The following NUTM1 variants were observed in gnomAD, a reference collection of about 807,000 sequenced individuals.
NUTM1 encodes NUT midline carcinoma family member 1, also known as NUT family member 1.
In NUTM1, 39 loss-of-function variants were observed where a neutral mutation model predicts 88.7. The ratio of observed to expected loss-of-function variants is 0.44; its 90% CI spans 0.34 to 0.57. The LOEUF (loss-of-function observed/expected upper bound fraction) is 0.57, where lower values mean the gene tolerates loss of function less well. Among genes scored for constraint, NUTM1 ranks in the 20% least tolerant of loss-of-function variants. NUTM1 has a pLI of 0.01. For missense variants in NUTM1, 1,350 were observed against 1,414.5 expected (o/e 0.95, Z 0.73); for synonymous variants, 494 against 538.0 (o/e 0.92, Z 1.13).
In NUTM1 at chr15:34,357,676, A is replaced by T; in HGVS notation, c.*185A>T. ...TCAGACTGGCTAGGCTGCAGGGGGA[A>T]TTACCTTTGGAAGGAGCTATATAGA... On this transcript the variant is annotated 3_prime_UTR_variant, in exon 8 of 8. Transcript: ENST00000537011. 9.1e-7 allele frequency: 1 copy of T among 1,097,020 alleles called. No homozygotes were observed. Among genetic ancestry groups the T allele is most frequent in the East Asian group, 2.4e-5 (1 of 42,226 alleles). 68.0% of individuals were successfully genotyped at this position (1,097,020 alleles called of 1,614,324 possible).
In NUTM1 at chr15:34,355,313, A is replaced by G. The variant is rs1344821950; in HGVS notation, c.1480-175A>G. Among the ~76,000 whole-genome samples the G allele has an allele frequency of 6.6e-6, 1 of 152,222 alleles. No homozygotes were observed. The highest frequency in any genetic ancestry group is 1.5e-5 in the Non-Finnish European group (1 of 68,040). ...AGGAAATGAGAATGTAAGGGCTCAA[A>G]GCATGGGAATAAGGCACAAGAAGGT... On this transcript the variant is annotated intron_variant, in intron 7 of 7. Transcript: ENST00000537011. The surrounding 1 kb of genome is among the most constrained non-coding windows in gnomAD (Gnocchi z 4.3).
At chr15:34,344,932 G>A (rs887507027) in intron 1 of NUTM1, among the ~76,000 whole-genome samples, 6 of 151,716 alleles carry the variant, frequency 4.0e-5, no homozygotes, top group African/African-American at 1.5e-4. Context: ...GCAGGACAAT[G>A]GCGTGAACCC....
Position 34,357,582 on chromosome 15 carries a change from T to C in NUTM1, c.*91T>C, listed in dbSNP as rs1368812891. ...ACCCCTGCTGCCCACCAATGGAGAA[T>C]CCCAATGTTGAATCTCATCCCAATG... On this transcript the variant is annotated 3_prime_UTR_variant, in exon 8 of 8. Coordinates refer to ENST00000537011, the MANE Select transcript of NUTM1 (RefSeq NM_001284292.2). 5 of 1,602,420 alleles carry C rather than the reference T, an allele frequency of 3.1e-6. No homozygotes were observed. Among genetic ancestry groups the C allele is most frequent in the Non-Finnish European group, 4.2e-6 (5 of 1,178,860 alleles).
Position 34,355,770 on chromosome 15 carries a change from C to A in NUTM1, c.1762C>A (p.Pro588Thr). 6.2e-7 allele frequency: 1 copy of A among 1,614,234 alleles called. No homozygotes were observed. Among genetic ancestry groups the A allele is most frequent in the Non-Finnish European group, 8.5e-7 (1 of 1,180,038 alleles). The change falls in exon 8 of 8, where the codon CCC becomes ACC. Residue 588 changes from proline (P) to threonine (T), a missense_variant. Physicochemically the swap from Pro to Thr is conservative, Grantham distance 38 (BLOSUM62 -1). Around this residue, in one of 5 missense-constraint regions of NUTM1, gnomAD observed 730 missense variants for 728.8 expected, o/e 1.00. Coordinates refer to ENST00000537011, the MANE Select transcript of NUTM1 (RefSeq NM_001284292.2). The surrounding 1 kb of genome is among the most constrained non-coding windows in gnomAD (Gnocchi z 4.3). ...MHRDGNTLPS[P>T]SSWDLQPELA... ...CAGGGATGGGAACACTCTGCCATCC[C>A]CCAGCAGCTGGGACCTGCAGCCAGA...
chr15:34,344,403 T>C (rs2140149179), intron 1 of NUTM1, among the ~76,000 whole-genome samples: 2 of 147,688 alleles, frequency 1.4e-5, no homozygotes, highest in South Asian at 4.2e-4. Context: ...CTCGGGAGGC[T>C]GAGGCAGGAG....
intron 3 of NUTM1, among the ~76,000 whole-genome samples, chr15:34,350,029 T>A (rs1383420998): frequency 6.6e-6 from 1 of 152,184 alleles, no homozygotes; most frequent in African/African-American, 2.4e-5. Flanking sequence ...CCTGGGGAGC[T>A]GCAAGTTGAT....
At chr15:34,349,466 G>A (rs1023264341) in intron 3 of NUTM1, among the ~76,000 whole-genome samples, 1 of 152,112 alleles carries the variant, frequency 6.6e-6, no homozygotes, top group African/African-American at 2.4e-5. Flanking sequence ...AAAAGAACTC[G>A]CAAAAGGTCA....
At position 34,344,972 on chromosome 15, in the gene NUTM1, C is replaced by G. The variant is rs368386569; in HGVS notation, c.7-970C>G. ...GGCGGAGCTTGCAGTGAGCAGAGATCACGCCACTGCACTACAGCCTGGGTG... is the reference window on the plus strand; with the variant it reads ...GGCGGAGCTTGCAGTGAGCAGAGATGACGCCACTGCACTACAGCCTGGGTG... On this transcript the variant is annotated intron_variant, in intron 1 of 7. Coordinates refer to ENST00000537011, the MANE Select transcript of NUTM1 (RefSeq NM_001284292.2). Among the ~76,000 whole-genome samples, 12 of 152,082 alleles carry G rather than the reference C, an allele frequency of 7.9e-5. No homozygotes were observed. The East Asian group carries it at 2.3e-3, about 29-fold the overall frequency.
At position 34,343,465 on chromosome 15, in the gene NUTM1, T is replaced by C; in HGVS notation, c.-232T>C. The C allele has an allele frequency of 1.1e-6, 1 of 907,888 alleles. No homozygotes were observed. Among genetic ancestry groups the C allele is most frequent in the Non-Finnish European group, 1.6e-6 (1 of 616,504 alleles). 56.2% of individuals were successfully genotyped at this position (907,888 alleles called of 1,614,324 possible). ...CCTGAAGAAACAAGGGCTCCAGGATTCAGAGCCCCTTTACCCTAGGGAAGA... is the reference window on the plus strand; with the variant it reads ...CCTGAAGAAACAAGGGCTCCAGGATCCAGAGCCCCTTTACCCTAGGGAAGA... On this transcript the variant is annotated 5_prime_UTR_variant, in exon 1 of 8. Transcript: ENST00000537011.
chr15:34,357,288 C>A lies in NUTM1; in HGVS notation c.3280C>A (p.Pro1094Thr). 1 of 1,614,150 alleles carries A rather than the reference C, an allele frequency of 6.2e-7. No individual in the cohort carries two copies. Among genetic ancestry groups the A allele is most frequent in the Non-Finnish European group, 8.5e-7 (1 of 1,180,026 alleles). The change falls in exon 8 of 8, where the codon CCA (proline) becomes ACA (threonine). Residue 1094 changes from proline to threonine, a missense_variant. By Grantham distance (38) the Pro-to-Thr change is conservative. This residue lies in a region of NUTM1 where 730 missense variants were observed against 728.8 expected (regional missense o/e 1.00). Transcript: ENST00000537011. ...PAGAKGPSKLPYPVAKSGKRA... is the reference protein window; with the variant it reads ...PAGAKGPSKLTYPVAKSGKRA... ...TGGAGCAAAAGGCCCCAGCAAACTT[C>A]CATATCCTGTTGCCAAGTCTGGGAA...
In NUTM1 at chr15:34,355,428, C is replaced by A. The variant is rs1414425241; in HGVS notation, c.1480-60C>A. On this transcript the variant is annotated intron_variant, in intron 7 of 7. Coordinates refer to ENST00000537011, the MANE Select transcript of NUTM1 (RefSeq NM_001284292.2). This position sits in a 1 kb window ranked among gnomAD's most constrained non-coding sequence, Gnocchi z 4.3. The stretch of plus-strand genomic sequence containing the variant: ...CTGCCCAAATACCGTCTTGTGCCAC[C>A]CACTCAGCCACCTCTTTCACAACCA... 3.2e-6 allele frequency: 5 copies of A among 1,579,688 alleles called. No homozygotes were observed. Among genetic ancestry groups the A allele is most frequent in the African/African-American group, 2.7e-5 (2 of 73,928 alleles).
chr15:34,345,993 C>T lies in NUTM1; in HGVS notation c.58C>T (p.Pro20Ser), dbSNP rs753820990. The part of the protein sequence containing the change: ...DCLILEASRQ[P>S]QLVPKPERMA... ...CCTCATTCTGGAGGCTTCCAGACAG[C>T]CACAGTTAGTGCCCAAACCTGAGAG... The change falls in exon 2 of 8, where the codon CCA becomes TCA. Residue 20 changes from proline to serine, a missense_variant. By Grantham distance (74) the Pro-to-Ser change is moderately conservative (BLOSUM62 -1). Transcript: ENST00000537011. 3.7e-6 allele frequency: 6 copies of T among 1,614,018 alleles called. No individual in the cohort carries two copies. In the East Asian group the frequency reaches 1.1e-4, roughly 30 times the overall value.
chr15:34,350,983 C>T, intron 4 of NUTM1, 151 bp downstream of exon 4: 1 of 941,918 alleles, frequency 1.1e-6, no homozygotes, highest in Non-Finnish European at 1.6e-6. Context: ...CTTTGGGAGG[C>T]CAAGGCCGGT....
In NUTM1 at chr15:34,348,362, C is replaced by T. The variant is rs376023605; in HGVS notation, c.494C>T (p.Ser165Phe). The T allele has an allele frequency of 3.7e-6, 6 of 1,614,158 alleles. No individual in the cohort carries two copies. Among genetic ancestry groups the T allele is most frequent in the African/African-American group, 2.7e-5 (2 of 74,950 alleles). Reference sequence around the variant, plus strand: ...CCTGCACCTCCATTTGTGACAGCATCTAATGTGAAGACCATTCTGCCCTCT... The same window carrying T: ...CCTGCACCTCCATTTGTGACAGCATTTAATGTGAAGACCATTCTGCCCTCT... ...EGPAPPFVTA[S>F]NVKTILPSKA... is the part of the protein sequence containing the mutation. The change falls in exon 3 of 8, where the codon TCT (serine) becomes TTT (phenylalanine). Residue 165 changes from serine (S) to phenylalanine (F), a missense_variant. Transcript: ENST00000537011.
At chr15:34,354,371 A>G in intron 5 of NUTM1, 75 bp from the exon 6 acceptor site, 1 of 1,445,490 alleles carries the variant, frequency 6.9e-7, no homozygotes, top group Non-Finnish European at 9.7e-7. Flanking sequence ...CTCTTACCTT[A>G]GTGTACATTC....
intron 4 of NUTM1, among the ~76,000 whole-genome samples, chr15:34,353,477 G>A (rs1479347337): frequency 6.6e-6 from 1 of 152,204 alleles, no homozygotes; most frequent in Non-Finnish European, 1.5e-5. Flanking sequence ...TTATAGGCAT[G>A]AGCCACCCCA....
In NUTM1 at chr15:34,356,187, C is replaced by T. The variant is rs745986480; in HGVS notation, c.2179C>T (p.Gln727Ter). 1.2e-6 allele frequency: 2 copies of T among 1,609,796 alleles called. No homozygotes were observed. Among genetic ancestry groups the T allele is most frequent in the Non-Finnish European group, 1.7e-6 (2 of 1,176,814 alleles). ...WGDDRGTPMA[Q>*]SYDQNPSPRA... is the part of the protein sequence containing the mutation. ...AGATGACAGAGGTACCCCCATGGCT[C>T]AGAGTTATGATCAGAATCCTTCCCC... The change falls in exon 8 of 8, where the codon CAG (glutamine) becomes TAG (stop). Residue 727 changes from glutamine to a stop codon, truncating the protein, a stop_gained. Coordinates refer to ENST00000537011, the MANE Select transcript of NUTM1 (RefSeq NM_001284292.2). LOFTEE classifies it high-confidence loss of function.
intron 4 of NUTM1, among the ~76,000 whole-genome samples, chr15:34,351,525 C>G (rs979814402): frequency 3.3e-5 from 5 of 152,194 alleles, no homozygotes; most frequent in African/African-American, 7.2e-5. Flanking sequence ...AAAGCTCCCC[C>G]CTCACCAGAT....
Position 34,355,938 on chromosome 15 carries a change from A to G in NUTM1, c.1930A>G (p.Thr644Ala), listed in dbSNP as rs769859248. The G allele has an allele frequency of 8.4e-5, 135 of 1,614,056 alleles. 1 individual carries two copies. In the South Asian group the frequency reaches 9.7e-4, roughly 12 times the overall value. ...TGGGCACTGCCTGGTGGCTGATAGG[A>G]CTTCAGAGGCTCTGCCCCTTTGTTG... ...PPGHCLVADR[T>A]SEALPLCWQG... Residue 644 changes from threonine to alanine, a missense_variant, in exon 8 of 8, where the codon ACT becomes GCT. Around this residue, in one of 5 missense-constraint regions of NUTM1, gnomAD observed 730 missense variants for 728.8 expected, o/e 1.00. Transcript: ENST00000537011. This position sits in a 1 kb window ranked among gnomAD's most constrained non-coding sequence, Gnocchi z 4.3.
Sources: gnomAD v4.1 joint callset for allele counts (sites outside exome capture counted in the v4.1 genomes callset) on GRCh38, gnomAD v4.1.1 for gene constraint, gnomAD v4.1.1 regional missense constraint, Gnocchi (gnomAD v3.1) non-coding constraint, MANE v1.5 for transcripts, NCBI Gene and HGNC (gene_info 2026-07-23, HGNC 2026-07-21) for gene names.